Variants in LIG1 observed in about 807,000 individuals in gnomAD.
LIG1 encodes the protein ligase I, DNA, ATP-dependent.
LIG1 carries 70 observed loss-of-function variants against 115.7 expected under a neutral mutation model. The ratio of observed to expected loss-of-function variants is 0.60; its 90% CI spans 0.50 to 0.74. LIG1 has a LOEUF of 0.74. Among genes scored for constraint, LIG1 ranks in the 30% least tolerant of loss-of-function variants. The pLI is 0.00. For missense variants in LIG1, 1,115 were observed against 1,225.6 expected, an observed-to-expected ratio of 0.91 and a Z score of 1.35; for synonymous variants, 487 against 495.3, an observed-to-expected ratio of 0.98 and a Z score of 0.22.
At chr19:48,134,115 C>T in intron 16 of LIG1, 49 bp from the exon 17 acceptor site, 3 of 1,506,798 alleles carry the variant, frequency 2.0e-6, no homozygotes, top group Non-Finnish European at 9.0e-7. Flanking sequence ...CTAGAACTCA[C>T]ACAGTTTGGA....
chr19:48,141,432 C>T (rs1308181130), intron 11 of LIG1, among the ~76,000 whole-genome samples: 1 of 152,226 alleles, frequency 6.6e-6, no homozygotes, highest in Non-Finnish European at 1.5e-5. Context: ...ACGGCCAGCC[C>T]TTTGCACCTT....
rs561137392 is a variant in LIG1, at chr19:48,142,442, C to CAAAAA, written c.914+1096_914+1100dup. On this transcript the variant is annotated intron_variant, in intron 11 of 27. Coordinates refer to ENST00000263274, the MANE Select transcript of LIG1 (RefSeq NM_000234.3). ...TGGGCAACAGAGCAAGACTCCATCT[C>CAAAAA]AAAAAAAAAAAAAAACAGAGTGCTG... Among the ~76,000 whole-genome samples the CAAAAA allele has an allele frequency of 5.4e-4, 41 of 75,616 alleles. 3 individuals carry two copies. Among genetic ancestry groups the CAAAAA allele is most frequent in the South Asian group, 2.2e-3 (4 of 1,844 alleles). The allele number at this position is 75,616 out of a possible 152,430, so 49.6% of individuals were successfully genotyped here.
At chr19:48,140,200 CGGGGTGGGGTGGGTTTAAG>C in intron 11 of LIG1, 57 bp from the exon 12 acceptor site, 1 of 719,708 alleles carries the variant, frequency 1.4e-6, no homozygotes, top group Non-Finnish European at 2.3e-6. Flanking sequence ...AGTGTGGTGT[CGGGGTGGGGTGGGTTTAAG>C]GGGGTGGACA....
chr19:48,139,696 C>G (rs78037173), intron 12 of LIG1, among the ~76,000 whole-genome samples: 2,094 of 152,214 alleles, frequency 0.014, 23 homozygotes, highest in Non-Finnish European at 0.021. Context: ...ATCCTGCTGT[C>G]TCTGCCTCCA....
intron 19 of LIG1, among the ~76,000 whole-genome samples, chr19:48,129,147 C>T (rs1354849819): frequency 1.3e-5 from 2 of 151,226 alleles, no homozygotes; most frequent in South Asian, 2.1e-4. Context: ...CTGCCTCCCA[C>T]GTTCAAGTGA....
At chr19:48,165,371 A>AAT (rs1180810330) in intron 2 of LIG1, among the ~76,000 whole-genome samples, 179 bp downstream of exon 2, 1 of 152,234 alleles carries the variant, frequency 6.6e-6, no homozygotes, top group African/African-American at 2.4e-5. Flanking sequence ...ACTGTTGTTC[A>AAT]ATACACTGTC....
rs146584875 is a variant in LIG1, at chr19:48,126,658, G to A, written c.2004+619C>T. Among the ~76,000 whole-genome samples the A allele has an allele frequency of 2.5e-3, 369 of 150,508 alleles. 2 individuals are homozygous for A. Among genetic ancestry groups the A allele is most frequent in the African/African-American group, 8.7e-3 (357 of 41,096 alleles). Reference sequence around the variant, plus strand: ...CACTCCATAGAGCTTGTTCATGTGGGTTACATAATATTATAGTTACACCTA... The same window carrying A: ...CACTCCATAGAGCTTGTTCATGTGGATTACATAATATTATAGTTACACCTA... On this transcript the variant is annotated intron_variant, in intron 21 of 27. Coordinates refer to ENST00000263274, the MANE Select transcript of LIG1 (RefSeq NM_000234.3).
rs1348200158 is a variant in LIG1, at chr19:48,122,551, G to A, written c.2232+383C>T. Reference sequence around the variant, plus strand: ...GATCATCCGGGGCACTCCCAGCCCCGCCTTGCTGGCCCGGAGCTGACTTGC... The same window carrying A: ...GATCATCCGGGGCACTCCCAGCCCCACCTTGCTGGCCCGGAGCTGACTTGC... On this transcript the variant is annotated intron_variant, in intron 23 of 27. Transcript: ENST00000263274. This position sits in a 1 kb window ranked among gnomAD's most constrained non-coding sequence, Gnocchi z 4.3. Among the ~76,000 whole-genome samples the A allele has an allele frequency of 1.3e-5, 2 of 152,306 alleles. No homozygotes were observed. The highest frequency in any genetic ancestry group is 2.1e-4 in the South Asian group (1 of 4,832).
intron 16 of LIG1, 85 bp from the exon 17 acceptor site, chr19:48,134,151 G>A (rs537794747): frequency 7.8e-7 from 1 of 1,282,138 alleles, no homozygotes; most frequent in Non-Finnish European, 1.1e-6. Flanking sequence ...GCTCCCAGAA[G>A]CCTGGGCTCC....
rs764053461 is a variant in LIG1 at position 48,150,111 on chromosome 19, G to A, written c.674C>T (p.Pro225Leu). 3.7e-6 allele frequency: 6 copies of A among 1,614,190 alleles called. No homozygotes were observed. In the South Asian group the frequency reaches 5.5e-5, roughly 15 times the overall value. The stretch of plus-strand genomic sequence containing the variant: ...ACTGAAGAAGCTGCTGAGCGTCTTG[G>A]GAGCTCTGCGGGGAGGCTTGGTCTG... ...EEQTKPPRRA[P>L]KTLSSFFTPR... The change falls in exon 8 of 28, where the codon CCC (proline) becomes CTC (leucine). Residue 225 changes from proline to leucine, a missense_variant. Transcript: ENST00000263274.
At position 48,137,907 on chromosome 19, in the gene LIG1, C is replaced by T. The variant is rs2034501328; in HGVS notation, c.1088-219G>A. 1 of 622,754 alleles carries T rather than the reference C, an allele frequency of 1.6e-6. No homozygotes were observed. Among genetic ancestry groups the T allele is most frequent in the African/African-American group, 1.8e-5 (1 of 54,922 alleles). The allele number at this position is 622,754 out of a possible 1,614,324, so 38.6% of individuals were successfully genotyped here. On this transcript the variant is annotated intron_variant, in intron 12 of 27. Transcript: ENST00000263274. This position sits in a 1 kb window ranked among gnomAD's most constrained non-coding sequence, Gnocchi z 4.3. ...AAGTCAGCAAACATGCACGTGGAGC[C>T]AGGAAAGCGGTGGATGAACGAGCAT...
chr19:48,136,915 G>A (rs1215760007), intron 14 of LIG1, 93 bp downstream of exon 14: 1 of 1,012,350 alleles, frequency 9.9e-7, no homozygotes, highest in Non-Finnish European at 1.5e-6. Context: ...GGATGGTCAG[G>A]GCATTTGTGA....
In LIG1 at chr19:48,137,889, CAA is replaced by C; in HGVS notation, c.1088-203_1088-202del. ...AGCCACGCTGGCTGTAGGAAGTCAG[CAA>C]ACATGCACGTGGAGCCAGGAAAGCG... is the stretch of plus-strand genomic sequence containing the variant. On this transcript the variant is annotated intron_variant, in intron 12 of 27. Coordinates refer to ENST00000263274, the MANE Select transcript of LIG1 (RefSeq NM_000234.3). The surrounding 1 kb of genome is among the most constrained non-coding windows in gnomAD (Gnocchi z 4.3). 1 of 647,012 alleles carries C rather than the reference CAA, an allele frequency of 1.5e-6. No individual in the cohort carries two copies. Among genetic ancestry groups the C allele is most frequent in the Non-Finnish European group, 2.7e-6 (1 of 364,632 alleles). 40.1% of individuals were successfully genotyped at this position (647,012 alleles called of 1,614,324 possible).
intron 5 of LIG1, chr19:48,154,314 A>T: frequency 2.9e-6 from 1 of 348,392 alleles, no homozygotes. Context: ...ACTGCCTCCA[A>T]GTGTTCCAGA....
intron 18 of LIG1, among the ~76,000 whole-genome samples, chr19:48,132,463 T>C (rs1053300215): frequency 2.0e-5 from 3 of 151,898 alleles, no homozygotes; most frequent in African/African-American, 4.8e-5. Context: ...CTCTGGAGGA[T>C]TGTAGCTTCG....
At chr19:48,141,018 C>A (rs1019273710) in intron 11 of LIG1, among the ~76,000 whole-genome samples, 1 of 152,196 alleles carries the variant, frequency 6.6e-6, no homozygotes, top group African/African-American at 2.4e-5. Context: ...ACCCACCGGA[C>A]GGTTACAGTG....
At chr19:48,131,344 C>T (rs2034012533) in intron 18 of LIG1, among the ~76,000 whole-genome samples, 173 bp from the exon 19 acceptor site, 1 of 152,206 alleles carries the variant, frequency 6.6e-6, no homozygotes, top group Admixed American at 6.5e-5. Context: ...CCCAGCCCTG[C>T]TCTGGAAGGC....
At chr19:48,149,901 T>A in intron 8 of LIG1, 60 bp from the exon 9 acceptor site, 1 of 1,567,950 alleles carries the variant, frequency 6.4e-7, no homozygotes, top group South Asian at 1.1e-5. Context: ...CCACCTCCCA[T>A]CCATTCTGCA....
At chr19:48,135,522 G>C (rs1236842107) in intron 16 of LIG1, among the ~76,000 whole-genome samples, 158 bp downstream of exon 16, 2 of 152,132 alleles carry the variant, frequency 1.3e-5, no homozygotes, top group Non-Finnish European at 2.9e-5. Context: ...CACCAGCCTT[G>C]TCTAGATCAC....
Sources: allele counts gnomAD v4.1 joint callset (sites outside exome capture counted in the v4.1 genomes callset), GRCh38; gene constraint gnomAD v4.1.1; non-coding constraint Gnocchi (gnomAD v3.1); transcripts MANE v1.5; gene names NCBI Gene and HGNC (gene_info 2026-07-23, HGNC 2026-07-21).